Variants in LIFR observed in about 807,000 individuals in gnomAD.
LIFR encodes the protein leukemia inhibitory factor receptor.
LIFR carries 84 observed loss-of-function variants against 122.2 expected under a neutral mutation model. The ratio of observed to expected loss-of-function variants is 0.69; its 90% CI spans 0.58 to 0.82. LIFR has a LOEUF of 0.82. LIFR is among the 40% of genes least tolerant of loss of function. The pLI is 0.00. For missense variants in LIFR, 1,294 were observed against 1,311.6 expected (o/e 0.99, Z 0.21); for synonymous variants, 422 against 434.7 (o/e 0.97, Z 0.36).
At chr5:38,534,432 A>T (rs1232844172) in intron 1 of LIFR, among the ~76,000 whole-genome samples, 1 of 152,236 alleles carries the variant, frequency 6.6e-6, no homozygotes, top group Non-Finnish European at 1.5e-5. Flanking sequence ...GAAGGCATGA[A>T]TAGCTTTTCA....
chr5:38,487,464 T>C (rs1744349068), intron 16 of LIFR, among the ~76,000 whole-genome samples: 1 of 152,208 alleles, frequency 6.6e-6, no homozygotes, highest in African/African-American at 2.4e-5. Flanking sequence ...TCTCTGATCA[T>C]TTCTTTCACA....
Position 38,552,600 on chromosome 5 carries a change from C to T in LIFR, c.-20+3734G>A, listed in dbSNP as rs531490414. Among the ~76,000 whole-genome samples, 45 of 152,296 alleles carry T rather than the reference C, an allele frequency of 3.0e-4. 1 individual carries two copies. In the South Asian group the frequency reaches 9.1e-3, roughly 31 times the overall value. On this transcript the variant is annotated intron_variant, in intron 1 of 19. Transcript: ENST00000453190. ...CGGAAATAAAAGATAAAAATGCTCA[C>T]CTTTCTGAAAATCTCTCATAAATCA...
intron 17 of LIFR, chr5:38,485,452 A>T (rs972339004): frequency 4.8e-5 from 15 of 310,804 alleles, no homozygotes; most frequent in South Asian, 9.5e-5. Context: ...TTTACAAAAA[A>T]TTTTTTTAAG....
chr5:38,504,797 A>G (rs188888660), intron 9 of LIFR, among the ~76,000 whole-genome samples: 5 of 152,356 alleles, frequency 3.3e-5, no homozygotes, highest in Non-Finnish European at 7.3e-5. Flanking sequence ...CCATGGTGAC[A>G]CTAGGAAAAA....
chr5:38,499,087 T>C (rs1398268682), intron 12 of LIFR, among the ~76,000 whole-genome samples: 2 of 152,116 alleles, frequency 1.3e-5, no homozygotes, highest in African/African-American at 2.4e-5. Context: ...CTTTACAAAA[T>C]CATACAAAAC....
upstream of LIFR, among the ~76,000 whole-genome samples, chr5:38,598,234 TTTATTTATTTATTTTTTTTTTTTTTC>T (rs1561235471): frequency 0.013 from 316 of 24,878 alleles, 29 homozygotes; most frequent in African/African-American, 0.061. Flanking sequence ...TTTTTTTTTA[TTTATTTATTTATTTTTTTTTTTTTTC>T]TTTTTAGAGG....
At chr5:38,484,643 C>T in intron 18 of LIFR, 132 bp downstream of exon 18, 1 of 674,582 alleles carries the variant, frequency 1.5e-6, no homozygotes, top group East Asian at 2.9e-5. Context: ...AACATTAATT[C>T]TAATTAAAAC....
chr5:38,537,548 A>G (rs776421094), intron 1 of LIFR, among the ~76,000 whole-genome samples: 1 of 152,212 alleles, frequency 6.6e-6, no homozygotes, highest in Non-Finnish European at 1.5e-5. Flanking sequence ...AACAACCTGA[A>G]GAACATTCCT....
At chr5:38,580,174 C>T (rs1307076157) in intron 1 of LIFR, among the ~76,000 whole-genome samples, 1 of 152,040 alleles carries the variant, frequency 6.6e-6, no homozygotes, top group Non-Finnish European at 1.5e-5. Context: ...ACTTTTTCTC[C>T]ACCTCCACCC....
chr5:38,585,304 A>C (rs1052976635), intron 1 of LIFR, among the ~76,000 whole-genome samples: 2 of 152,216 alleles, frequency 1.3e-5, no homozygotes, highest in African/African-American at 4.8e-5. Flanking sequence ...ACTGTAATAC[A>C]TGTTATGTAA....
intron 7 of LIFR, 86 bp downstream of exon 7, chr5:38,510,378 C>G: frequency 8.3e-7 from 1 of 1,205,098 alleles, no homozygotes. Context: ...TCACTCCTCC[C>G]ACCCCCCCAC....
chr5:38,498,480 A>C (rs1293810267), intron 12 of LIFR, among the ~76,000 whole-genome samples: 2 of 152,102 alleles, frequency 1.3e-5, no homozygotes, highest in African/African-American at 2.4e-5. Context: ...ACATATATCA[A>C]ACCGCCTACT....
chr5:38,511,739 T>G, intron 6 of LIFR, 51 bp downstream of exon 6: 3 of 1,549,172 alleles, frequency 1.9e-6, no homozygotes, highest in Non-Finnish European at 2.7e-6. Context: ...TACTCTTAAG[T>G]GAGACTAATT....
At chr5:38,552,644 G>A (rs1420790721) in intron 1 of LIFR, among the ~76,000 whole-genome samples, 3 of 152,118 alleles carry the variant, frequency 2.0e-5, no homozygotes, top group Admixed American at 6.5e-5. Context: ...TACTGAAAAG[G>A]TTTGTTTTTA....
intron 11 of LIFR, among the ~76,000 whole-genome samples, chr5:38,500,255 ATC>A (rs1360660104): frequency 2.0e-5 from 3 of 152,162 alleles, no homozygotes; most frequent in Admixed American, 6.5e-5. Context: ...ATAGGCCGAG[ATC>A]TCTGTTTTAT....
intron 1 of LIFR, among the ~76,000 whole-genome samples, chr5:38,532,078 A>C (rs529571905): frequency 1.2e-4 from 19 of 152,358 alleles, no homozygotes; most frequent in African/African-American, 4.6e-4. Context: ...TAATGGAGCC[A>C]AACATGACCC....
intron 5 of LIFR, among the ~76,000 whole-genome samples, chr5:38,512,239 T>C (rs1745839522): frequency 1.3e-5 from 2 of 152,138 alleles, no homozygotes; most frequent in Admixed American, 1.3e-4. Context: ...GCAGGTTGAG[T>C]ATCCCTTGGG....
intron 1 of LIFR, among the ~76,000 whole-genome samples, chr5:38,585,018 G>A (rs1749701265): frequency 6.6e-6 from 1 of 152,090 alleles, no homozygotes; most frequent in Admixed American, 6.6e-5. Context: ...TAAAAAAGAA[G>A]AAAATGCTTT....
At chr5:38,585,579 G>C (rs2112749837) in intron 1 of LIFR, among the ~76,000 whole-genome samples, 1 of 152,276 alleles carries the variant, frequency 6.6e-6, no homozygotes, top group African/African-American at 2.4e-5. Flanking sequence ...AATGGAATGG[G>C]ATTTTCAGAA....
Sources: allele counts gnomAD v4.1 joint callset (sites outside exome capture counted in the v4.1 genomes callset), GRCh38; gene constraint gnomAD v4.1.1; transcripts MANE v1.5; gene names NCBI Gene and HGNC (gene_info 2026-07-23, HGNC 2026-07-21).